DAPK2: variants seen among roughly 807,000 people sequenced by gnomAD.
The protein encoded by DAPK2 is death associated protein kinase 2.
Under a neutral mutation model 44.1 loss-of-function variants are expected in DAPK2, and 35 were observed. That is an observed-to-expected ratio of 0.79 (90% CI 0.61 to 1.05). The LOEUF (loss-of-function observed/expected upper bound fraction) is 1.05. Ranked by LOEUF, DAPK2 falls within the 50% of genes least tolerant of loss-of-function variation. The pLI is 0.00. For missense variants in DAPK2, 453 were observed against 483.2 expected, an observed-to-expected ratio of 0.94 and a Z score of 0.59; for synonymous variants, 174 against 182.6, an observed-to-expected ratio of 0.95 and a Z score of 0.38.
At chr15:63,979,448 G>A (rs1320270402) in intron 2 of DAPK2, among the ~76,000 whole-genome samples, 1 of 152,200 alleles carries the variant, frequency 6.6e-6, no homozygotes, top group African/African-American at 2.4e-5. Context: ...GCTGAGAGGG[G>A]CAGTGGGATC....
intron 4 of DAPK2, among the ~76,000 whole-genome samples, chr15:63,933,028 C>CT (rs966665656): frequency 5.8e-4 from 88 of 151,422 alleles, no homozygotes; most frequent in African/African-American, 1.5e-3. Context: ...TTGCTATGAA[C>CT]TTTTTTTTTG....
At chr15:63,951,367 G>A (rs1248993809) in intron 3 of DAPK2, among the ~76,000 whole-genome samples, 3 of 152,146 alleles carry the variant, frequency 2.0e-5, no homozygotes, top group African/African-American at 4.8e-5. Context: ...GATCCATCCC[G>A]TGGAAGGTAC....
rs762986661 is a variant in DAPK2 at position 63,908,498 on chromosome 15, C to A, written c.*22G>T. The stretch of plus-strand genomic sequence containing the variant: ...CCCCGCTGGGCCCAGACCTCCCTGG[C>A]GGCCACTGCAGGTCAGGCCAGTTAG... On this transcript the variant is annotated 3_prime_UTR_variant, in exon 11 of 11. Transcript: ENST00000261891. The surrounding 1 kb of genome is among the most constrained non-coding windows in gnomAD (Gnocchi z 5.7). 4 of 1,532,908 alleles carry A rather than the reference C, an allele frequency of 2.6e-6. No individual in the cohort carries two copies. Among genetic ancestry groups the A allele is most frequent in the Non-Finnish European group, 3.5e-6 (4 of 1,130,636 alleles). 95.0% of individuals were successfully genotyped at this position (1,532,908 alleles called of 1,614,324 possible).
chr15:63,946,845 A>G (rs11071779), intron 3 of DAPK2, among the ~76,000 whole-genome samples: 81,041 of 151,962 alleles, frequency 0.53, 22,221 homozygotes, highest in East Asian at 0.97. Context: ...AATCTTCACC[A>G]GCCATGTCAA....
intron 2 of DAPK2, among the ~76,000 whole-genome samples, chr15:63,978,597 G>A (rs2078418707): frequency 6.6e-6 from 1 of 152,142 alleles, no homozygotes. Flanking sequence ...ACCTGCCACT[G>A]TCTAGGCCCT....
chr15:63,957,906 G>C (rs1008176171), intron 3 of DAPK2, among the ~76,000 whole-genome samples: 1 of 152,100 alleles, frequency 6.6e-6, no homozygotes, highest in Non-Finnish European at 1.5e-5. Flanking sequence ...GGTATTTCTA[G>C]TTCTAGATCC....
intron 3 of DAPK2, among the ~76,000 whole-genome samples, chr15:63,957,711 A>G (rs994240076): frequency 6.6e-6 from 1 of 152,084 alleles, no homozygotes; most frequent in Non-Finnish European, 1.5e-5. Context: ...GCTGCATAGT[A>G]TTCCACGGTG....
At position 63,956,675 on chromosome 15, in the gene DAPK2, C is replaced by T. The variant is rs976943376; in HGVS notation, c.453+14748G>A. ...AATCTCAGCTCACTGCAAGCTCCAC[C>T]TCCTGGGTTCACACCATTCTCCTGC... is the stretch of plus-strand genomic sequence containing the variant. On this transcript the variant is annotated intron_variant, in intron 3 of 10. Coordinates refer to ENST00000261891, the Ensembl canonical transcript of DAPK2. Among the ~76,000 whole-genome samples the T allele has an allele frequency of 1.4e-4, 22 of 152,214 alleles. No individual in the cohort carries two copies. In the South Asian group the frequency reaches 1.7e-3, roughly 11 times the overall value.
chr15:63,942,338 G>T (rs948000082), intron 3 of DAPK2: 13 of 723,012 alleles, frequency 1.8e-5, no homozygotes, highest in Non-Finnish European at 2.0e-5. Flanking sequence ...TATCACCTGA[G>T]GTCAGGCGTT....
chr15:64,000,183 TACTACACACAC>T (rs2079046671), intron 1 of DAPK2, among the ~76,000 whole-genome samples: 1 of 115,782 alleles, frequency 8.6e-6, no homozygotes, highest in Non-Finnish European at 1.9e-5. Flanking sequence ...CTACTACTAC[TACTACACACAC>T]ACACACACAC....
chr15:63,953,188 A>T (rs1899630), intron 3 of DAPK2, among the ~76,000 whole-genome samples: 135,473 of 151,246 alleles, frequency 0.9, 61,535 homozygotes, highest in East Asian at 1. Flanking sequence ...TGCCTTTGCA[A>T]CCTCATAGCT....
intron 1 of DAPK2, among the ~76,000 whole-genome samples, chr15:63,993,699 G>T (rs1244846378): frequency 4.6e-5 from 7 of 152,076 alleles, no homozygotes; most frequent in African/African-American, 1.7e-4. Flanking sequence ...TACAGGGTTA[G>T]GGGTCCTGGC....
chr15:64,017,360 G>C (rs2079558818), intron 1 of DAPK2, among the ~76,000 whole-genome samples: 1 of 152,210 alleles, frequency 6.6e-6, no homozygotes, highest in South Asian at 2.1e-4. Flanking sequence ...ATAGACAACA[G>C]CCAAGGAAGG....
At chr15:64,035,211 T>C (rs1367844245) in intron 1 of DAPK2, among the ~76,000 whole-genome samples, 1 of 151,540 alleles carries the variant, frequency 6.6e-6, no homozygotes, top group African/African-American at 2.4e-5. Flanking sequence ...AATCAAAGGA[T>C]AGGAAACAAG....
intron 2 of DAPK2, 27 bp from the exon 4 acceptor site, chr15:63,971,588 A>T (rs2078213203): frequency 6.8e-6 from 11 of 1,610,908 alleles, no homozygotes; most frequent in East Asian, 4.5e-5. Context: ...GGGGGAGGGG[A>T]GGCCCAGGCC....
intron 5 of DAPK2, 139 bp downstream of exon 6, chr15:63,930,268 G>C (rs1038871103): frequency 2.3e-6 from 2 of 881,040 alleles, no homozygotes; most frequent in East Asian, 4.9e-5. Context: ...TAACACATCG[G>C]GGGAGCAGCC....
In DAPK2 at chr15:64,026,234, C is replaced by CT. The variant is rs572843214; in HGVS notation, c.92+13935dup. 1.2e-3 allele frequency among the ~76,000 whole-genome samples: 185 copies of CT among 151,410 alleles called. 2 individuals carry two copies. The South Asian group carries it at 0.027, about 22-fold the overall frequency. On this transcript the variant is annotated intron_variant, in intron 1 of 10. Coordinates refer to ENST00000261891, the Ensembl canonical transcript of DAPK2. ...CTACAGCTGAGGTGATAGGGTAACT[C>CT]TTTTTTTTTAATTAATTAATTTTTT...
intron 1 of DAPK2, among the ~76,000 whole-genome samples, chr15:63,987,689 T>C (rs1257269299): frequency 1.9e-4 from 29 of 152,186 alleles, no homozygotes; most frequent in Admixed American, 1.9e-3. Flanking sequence ...TTAGAAAGCT[T>C]CCTGTCAGAC....
chr15:63,946,988 A>T (rs942149449), intron 3 of DAPK2, among the ~76,000 whole-genome samples: 2 of 152,126 alleles, frequency 1.3e-5, no homozygotes, highest in Admixed American at 6.5e-5. Flanking sequence ...GACCACAGCC[A>T]GCCCCTCCCC....
Sources: gnomAD v4.1 joint callset for allele counts (sites outside exome capture counted in the v4.1 genomes callset) on GRCh38, gnomAD v4.1.1 for gene constraint, Gnocchi (gnomAD v3.1) non-coding constraint, MANE v1.5 for transcripts, NCBI Gene and HGNC (gene_info 2026-07-23, HGNC 2026-07-21) for gene names.